VWA8: variants seen among roughly 807,000 people sequenced by gnomAD.
The protein encoded by VWA8 is von Willebrand factor A domain-containing protein 8.
In VWA8, 221 loss-of-function variants were observed where a neutral mutation model predicts 241.5. The observed-to-expected ratio is 0.91, with a 90% CI of 0.82 to 1.02. The LOEUF (loss-of-function observed/expected upper bound fraction) is 1.02, where lower values mean the gene tolerates loss of function less well. Ranked by LOEUF, VWA8 falls within the 50% of genes least tolerant of loss-of-function variation. The pLI is 0.00. For synonymous variants in VWA8, 852 were observed against 827.1 expected (o/e 1.03, Z -0.52); for missense variants, 2,322 against 2,328.7 (o/e 1.00, Z 0.06).
intron 36 of VWA8, among the ~76,000 whole-genome samples, chr13:41,674,859 C>G (rs918552496): frequency 1.3e-5 from 2 of 152,060 alleles, no homozygotes; most frequent in African/African-American, 2.4e-5. Context: ...ATATTTTGAA[C>G]ACATTTACTT....
intron 2 of VWA8, among the ~76,000 whole-genome samples, chr13:41,940,274 T>C (rs1877534183): frequency 3.9e-5 from 6 of 152,218 alleles, no homozygotes; most frequent in Admixed American, 3.9e-4. Flanking sequence ...TATCATTTTA[T>C]GTTTCACTTG....
At chr13:41,704,991 T>G (rs562456634) in intron 26 of VWA8, among the ~76,000 whole-genome samples, 27 of 152,246 alleles carry the variant, frequency 1.8e-4, no homozygotes, top group African/African-American at 4.3e-4. Flanking sequence ...TGACATAATA[T>G]TTCCATATGC....
intron 2 of VWA8, among the ~76,000 whole-genome samples, chr13:41,930,067 A>G (rs1435457489): frequency 6.6e-6 from 1 of 152,224 alleles, no homozygotes; most frequent in East Asian, 1.9e-4. Context: ...AAAAATGGGC[A>G]AAGGATTTGA....
intron 41 of VWA8, 119 bp from the exon 42 acceptor site, chr13:41,587,789 G>A: frequency 1.6e-6 from 2 of 1,226,682 alleles, no homozygotes; most frequent in South Asian, 2.9e-5. Flanking sequence ...ACCAGCCATA[G>A]GCTCAGCCCT....
At chr13:41,710,119 C>A (rs1261845474) in intron 26 of VWA8, among the ~76,000 whole-genome samples, 1 of 152,102 alleles carries the variant, frequency 6.6e-6, no homozygotes, top group Non-Finnish European at 1.5e-5. Flanking sequence ...AACATTTTGA[C>A]CTACTTGTTT....
chr13:41,619,606 T>C (rs942012681), intron 37 of VWA8, among the ~76,000 whole-genome samples: 7 of 152,326 alleles, frequency 4.6e-5, no homozygotes, highest in African/African-American at 1.7e-4. Flanking sequence ...GGCTGTGGGT[T>C]TGTCATACAT....
intron 26 of VWA8, among the ~76,000 whole-genome samples, chr13:41,706,998 A>G (rs1468259092): frequency 6.6e-6 from 1 of 152,186 alleles, no homozygotes; most frequent in Non-Finnish European, 1.5e-5. Context: ...TTCAGTTCCT[A>G]TGTTTGTCAT....
intron 2 of VWA8, among the ~76,000 whole-genome samples, chr13:41,924,241 C>T (rs1876716047): frequency 6.6e-6 from 1 of 151,976 alleles, no homozygotes; most frequent in South Asian, 2.1e-4. Context: ...AATCTTGGAA[C>T]TGGAGAATGC....
In VWA8 at chr13:41,891,412, T is replaced by C; in HGVS notation, c.651+8A>G. On this transcript the variant is annotated splice_region_variant and intron_variant, in intron 5 of 44. Coordinates refer to ENST00000379310, the MANE Select transcript of VWA8 (RefSeq NM_015058.2). ...CAAAGACAAAGCAACAGGATTTTCTTTTCTTACTCGGAGAAGTTTGTCGTA... is the reference window on the plus strand; with the variant it reads ...CAAAGACAAAGCAACAGGATTTTCTCTTCTTACTCGGAGAAGTTTGTCGTA... 1 of 1,614,040 alleles carries C rather than the reference T, an allele frequency of 6.2e-7. No homozygotes were observed. Among genetic ancestry groups the C allele is most frequent in the East Asian group, 2.2e-5 (1 of 44,890 alleles).
chr13:41,701,887 C>T (rs991613807), intron 27 of VWA8, among the ~76,000 whole-genome samples: 4 of 152,268 alleles, frequency 2.6e-5, no homozygotes, highest in African/African-American at 4.8e-5. Context: ...GAGAATAATT[C>T]GCAAATGAAT....
At chr13:41,828,449 T>C (rs1871275387) in intron 14 of VWA8, among the ~76,000 whole-genome samples, 1 of 152,194 alleles carries the variant, frequency 6.6e-6, no homozygotes, top group African/African-American at 2.4e-5. Context: ...AAATAACATA[T>C]TTGTCAAACT....
chr13:41,751,596 T>C lies in VWA8; in HGVS notation c.2426+9532A>G, dbSNP rs539158091. On this transcript the variant is annotated intron_variant, in intron 21 of 44. Coordinates refer to ENST00000379310, the MANE Select transcript of VWA8 (RefSeq NM_015058.2). ...ACTGTCACATTCAGTTTTCTTCAGC[T>C]TGAGGAGAGCCTCATATATTGAATT... 4.6e-5 allele frequency among the ~76,000 whole-genome samples: 7 copies of C among 152,356 alleles called. 1 individual carries two copies. The highest frequency in any genetic ancestry group is 4.6e-4 in the Admixed American group (7 of 15,292).
At chr13:41,912,228 C>G (rs972796824) in intron 2 of VWA8, 60 bp from the exon 3 acceptor site, 2 of 1,387,964 alleles carry the variant, frequency 1.4e-6, no homozygotes. Context: ...ATATAAATCT[C>G]CAAGTAATGT....
At chr13:41,671,183 C>T in intron 36 of VWA8, 36 bp from the exon 37 acceptor site, 2 of 1,608,180 alleles carry the variant, frequency 1.2e-6, no homozygotes, top group Non-Finnish European at 1.7e-6. Flanking sequence ...TAAGAGACCA[C>T]AAAAATAAAG....
intron 21 of VWA8, among the ~76,000 whole-genome samples, chr13:41,741,574 T>C (rs1216251564): frequency 2.0e-5 from 3 of 152,220 alleles, no homozygotes; most frequent in Non-Finnish European, 2.9e-5. Flanking sequence ...AGGCATACTG[T>C]CTATAGACAA....
chr13:41,955,264 GC>G lies in VWA8; in HGVS notation c.164-5252del, dbSNP rs145989902. ...ATTTAGGCAAAAGAAGCAAATGTAT[GC>G]CTTTCTTCATGTAAACTGTGGGTTT... On this transcript the variant is annotated intron_variant, in intron 1 of 44. Coordinates refer to ENST00000379310, the MANE Select transcript of VWA8 (RefSeq NM_015058.2). Among the ~76,000 whole-genome samples, 962 of 152,228 alleles carry G rather than the reference GC, an allele frequency of 6.3e-3. 8 individuals are homozygous for G. Among genetic ancestry groups the G allele is most frequent in the African/African-American group, 0.022 (919 of 41,540 alleles).
At chr13:41,631,578 T>C (rs918996696) in intron 37 of VWA8, among the ~76,000 whole-genome samples, 12 of 152,174 alleles carry the variant, frequency 7.9e-5, no homozygotes, top group African/African-American at 2.9e-4. Flanking sequence ...TATAGGCTCG[T>C]AGAACTCATC....
At chr13:41,757,140 G>C (rs1446783527) in intron 21 of VWA8, among the ~76,000 whole-genome samples, 12 of 150,826 alleles carry the variant, frequency 8.0e-5, no homozygotes, top group Admixed American at 7.9e-4. Flanking sequence ...GCTTAAAGGA[G>C]AGGAAAAAAA....
intron 17 of VWA8, among the ~76,000 whole-genome samples, chr13:41,803,550 C>T: frequency 6.6e-6 from 1 of 152,154 alleles, no homozygotes; most frequent in Admixed American, 6.6e-5. Flanking sequence ...TGCAGGGAAA[C>T]TCCCCTTTAT....
Sources: gnomAD v4.1 joint callset for allele counts (sites outside exome capture counted in the v4.1 genomes callset) on GRCh38, gnomAD v4.1.1 for gene constraint, MANE v1.5 for transcripts, NCBI Gene and HGNC (gene_info 2026-07-23, HGNC 2026-07-21) for gene names.